The following SCRN1 variants were observed in gnomAD, a reference collection of about 807,000 sequenced individuals.
The protein encoded by SCRN1 is secernin 1.
In SCRN1, 19 loss-of-function variants were observed where a neutral mutation model predicts 43.3. That is an observed-to-expected ratio of 0.44 (90% CI 0.31 to 0.64). SCRN1 has a LOEUF of 0.64. SCRN1 is among the 30% of genes least tolerant of loss of function. The pLI is 0.09. For synonymous variants in SCRN1, 183 were observed against 188.9 expected, an observed-to-expected ratio of 0.97 and a Z score of 0.26; for missense variants, 447 against 524.1, an observed-to-expected ratio of 0.85 and a Z score of 1.44.
chr7:29,974,227 G>T (rs1157428289), intron 1 of SCRN1, among the ~76,000 whole-genome samples: 3 of 152,122 alleles, frequency 2.0e-5, no homozygotes, highest in Admixed American at 6.5e-5. Context: ...TAATTTTAAA[G>T]AAAAATTTTA....
chr7:29,977,166 C>T (rs893253756), intron 1 of SCRN1, among the ~76,000 whole-genome samples: 6 of 152,128 alleles, frequency 3.9e-5, no homozygotes, highest in Admixed American at 6.5e-5. Context: ...GTTTATTAAG[C>T]GTCTTGCAAG....
At position 29,926,496 on chromosome 7, in the gene SCRN1, A is replaced by C; in HGVS notation, c.1042T>G (p.Tyr348Asp). The change falls in exon 7 of 8, where the codon TAC becomes GAC. Residue 348 changes from tyrosine (Y) to aspartate (D), a missense_variant. Transcript: ENST00000242059. ...QEKPDRRHEL[Y>D]KAHEWARAII... ...GCACGTGCCCACTCGTGGGCTTTGTACAGCTCATGCCGGCGGTCTGGTTTC... is the reference window on the plus strand; with the variant it reads ...GCACGTGCCCACTCGTGGGCTTTGTCCAGCTCATGCCGGCGGTCTGGTTTC... 1 of 1,613,974 alleles carries C rather than the reference A, an allele frequency of 6.2e-7. No homozygotes were observed. Among genetic ancestry groups the C allele is most frequent in the Non-Finnish European group, 8.5e-7 (1 of 1,180,026 alleles).
intron 3 of SCRN1, among the ~76,000 whole-genome samples, chr7:29,949,713 T>C (rs548683632): frequency 1.3e-5 from 2 of 150,806 alleles, no homozygotes; most frequent in East Asian, 4.0e-4. Context: ...CTCGATCTGT[T>C]ACCCAGGCTG....
intron 5 of SCRN1, among the ~76,000 whole-genome samples, chr7:29,940,379 T>C (rs561804214): frequency 4.6e-5 from 7 of 152,050 alleles, no homozygotes; most frequent in Non-Finnish European, 1.0e-4. Flanking sequence ...AATATATAAT[T>C]ACTGATGTAT....
chr7:29,952,696 G>A (rs1391476039), intron 3 of SCRN1, among the ~76,000 whole-genome samples: 1 of 149,800 alleles, frequency 6.7e-6, no homozygotes, highest in Non-Finnish European at 1.5e-5. Flanking sequence ...AAAAAAAAAA[G>A]AGAGAGAGAG....
intron 2 of SCRN1, among the ~76,000 whole-genome samples, chr7:29,964,363 A>G (rs1473731573): frequency 6.6e-6 from 1 of 152,240 alleles, no homozygotes; most frequent in Non-Finnish European, 1.5e-5. Context: ...AGCTTGGAAA[A>G]GACAGGAAGA....
intron 2 of SCRN1, among the ~76,000 whole-genome samples, chr7:29,968,415 A>T (rs1277805260): frequency 6.6e-6 from 1 of 152,352 alleles, no homozygotes; most frequent in African/African-American, 2.4e-5. Context: ...AAAAAAATAA[A>T]AATGAAAAAA....
chr7:29,944,677 A>AAAAAG lies in SCRN1; in HGVS notation c.342-499_342-498insCTTTT, dbSNP rs1554356503. Among the ~76,000 whole-genome samples the AAAAAG allele has an allele frequency of 3.9e-3, 581 of 150,702 alleles. 2 individuals carry two copies. Among genetic ancestry groups the AAAAAG allele is most frequent in the African/African-American group, 0.013 (543 of 40,882 alleles). On this transcript the variant is annotated intron_variant, in intron 3 of 7. Coordinates refer to ENST00000242059, the MANE Select transcript of SCRN1 (RefSeq NM_014766.5). ...GACCCTGTCTCAAAAAAAAAAAAAA[A>AAAAAG]AAAGAAAGAAAGAAAGAAAGAAAAA...
intron 2 of SCRN1, among the ~76,000 whole-genome samples, chr7:29,955,898 T>C (rs912555794): frequency 6.6e-6 from 1 of 152,190 alleles, no homozygotes; most frequent in African/African-American, 2.4e-5. Context: ...CATTTGCATT[T>C]AACTACTGCA....
chr7:29,924,932 G>C (rs1786892336), intron 7 of SCRN1, among the ~76,000 whole-genome samples: 1 of 152,140 alleles, frequency 6.6e-6, no homozygotes, highest in Non-Finnish European at 1.5e-5. Context: ...CTCCACCTGA[G>C]AGTCATTTGT....
intron 6 of SCRN1, among the ~76,000 whole-genome samples, chr7:29,934,218 T>C (rs1787249859): frequency 6.6e-6 from 1 of 152,228 alleles, no homozygotes; most frequent in Admixed American, 6.5e-5. Flanking sequence ...CATGAATAAT[T>C]TTCTTTTAAA....
At chr7:29,960,627 T>A (rs1237152633) in intron 2 of SCRN1, among the ~76,000 whole-genome samples, 1 of 152,236 alleles carries the variant, frequency 6.6e-6, no homozygotes, top group East Asian at 1.9e-4. Flanking sequence ...TAGTCTAATG[T>A]TGGATCCATT....
rs138550262 is a variant in SCRN1, at chr7:29,972,969, C to T, written c.-1-3901G>A. 2.6e-3 allele frequency among the ~76,000 whole-genome samples: 398 copies of T among 152,286 alleles called. 1 individual carries two copies. The highest frequency in any genetic ancestry group is 9.2e-3 in the African/African-American group (382 of 41,552). ...GAAACTCCATTGGACGGGACAGTGA[C>T]ACAGAGTCCCAAAGAAACCCAGAAA... On this transcript the variant is annotated intron_variant, in intron 1 of 7. Coordinates refer to ENST00000242059, the MANE Select transcript of SCRN1 (RefSeq NM_014766.5).
intron 1 of SCRN1, among the ~76,000 whole-genome samples, chr7:29,983,337 G>T (rs1789051778): frequency 1.3e-5 from 2 of 150,796 alleles, no homozygotes; most frequent in Non-Finnish European, 3.0e-5. Flanking sequence ...AGCATTGGGA[G>T]ATATACCTAA....
chr7:29,975,817 C>T (rs1441982928), intron 1 of SCRN1, among the ~76,000 whole-genome samples: 2 of 152,170 alleles, frequency 1.3e-5, no homozygotes, highest in African/African-American at 4.8e-5. Flanking sequence ...AATTTAACTC[C>T]CATAGATGGG....
rs1159215330 is a variant in SCRN1 at position 29,924,001 on chromosome 7, G to T, written c.1201C>A (p.Leu401Ile). The change falls in exon 8 of 8, where the codon CTT (leucine) becomes ATT (isoleucine). Residue 401 changes from leucine (L) to isoleucine (I), a missense_variant. Transcript: ENST00000242059. The part of the protein sequence containing the change: ...EPLDPAEVGD[L>I]FYDCVDTEIK... ...TCCGTGTCAACACAGTCATAGAAAA[G>T]GTCCCCCACTTCCGCAGGGTCCAGT... 1 of 1,613,890 alleles carries T rather than the reference G, an allele frequency of 6.2e-7. No homozygotes were observed. Among genetic ancestry groups the T allele is most frequent in the Non-Finnish European group, 8.5e-7 (1 of 1,179,990 alleles).
intron 2 of SCRN1, among the ~76,000 whole-genome samples, chr7:29,964,558 T>C (rs1464800227): frequency 6.6e-6 from 1 of 152,120 alleles, no homozygotes; most frequent in Non-Finnish European, 1.5e-5. Flanking sequence ...GTAAAAGTAT[T>C]CTCTATGATA....
At chr7:29,932,972 G>A (rs1787210787) in intron 6 of SCRN1, among the ~76,000 whole-genome samples, 2 of 151,984 alleles carry the variant, frequency 1.3e-5, no homozygotes, top group South Asian at 4.1e-4. Flanking sequence ...TGCCTCCCAG[G>A]TTCAAGTGAT....
intron 1 of SCRN1, among the ~76,000 whole-genome samples, chr7:29,973,051 C>T (rs920071983): frequency 6.6e-6 from 1 of 152,180 alleles, no homozygotes; most frequent in Non-Finnish European, 1.5e-5. Flanking sequence ...TTGTGAAGTC[C>T]TCTTATTCTA....
Sources: allele counts gnomAD v4.1 joint callset (sites outside exome capture counted in the v4.1 genomes callset), GRCh38; gene constraint gnomAD v4.1.1; transcripts MANE v1.5; gene names NCBI Gene and HGNC (gene_info 2026-07-23, HGNC 2026-07-21).